TMEM207: variants seen among roughly 807,000 people sequenced by gnomAD.
TMEM207 encodes the protein transmembrane protein 207, also known as SRSR846.
In TMEM207, 15 loss-of-function variants were observed where a neutral mutation model predicts 17.4. That is an observed-to-expected ratio of 0.86 (90% CI 0.58 to 1.33). The LOEUF (loss-of-function observed/expected upper bound fraction) is 1.33. Among genes scored for constraint, TMEM207 ranks in the 40% most tolerant of loss-of-function variants. The probability of loss-of-function intolerance (pLI) is 0.00; values close to 1 mark genes in which losing one functional copy is unlikely to be tolerated. For synonymous variants in TMEM207, 70 were observed against 65.6 expected, an observed-to-expected ratio of 1.07 and a Z score of -0.33; for missense variants, 205 against 173.8, an observed-to-expected ratio of 1.18 and a Z score of -1.01.
intron 4 of TMEM207, among the ~76,000 whole-genome samples, chr3:190,436,820 C>T (rs990390260): frequency 6.6e-6 from 1 of 152,078 alleles, no homozygotes; most frequent in Non-Finnish European, 1.5e-5. Flanking sequence ...TCACCACTTC[C>T]TAAATTACTC....
intron 4 of TMEM207, among the ~76,000 whole-genome samples, chr3:190,437,345 C>T (rs1478344729): frequency 6.6e-6 from 1 of 152,100 alleles, no homozygotes; most frequent in East Asian, 1.9e-4. Flanking sequence ...ACTTTAAACT[C>T]GATTAGTTGA....
chr3:190,445,548 C>T lies in TMEM207; in HGVS notation c.113+2242G>A, dbSNP rs187718628. Among the ~76,000 whole-genome samples the T allele has an allele frequency of 5.8e-4, 89 of 152,288 alleles. 1 individual carries two copies. Among genetic ancestry groups the T allele is most frequent in the African/African-American group, 1.9e-3 (80 of 41,556 alleles). ...AGACCAGTGTTGTTGTTATTTGAGACGGAGTCTCGCTCTGTTACCCAGGCT... is the reference window on the plus strand; with the variant it reads ...AGACCAGTGTTGTTGTTATTTGAGATGGAGTCTCGCTCTGTTACCCAGGCT... On this transcript the variant is annotated intron_variant, in intron 2 of 4. Coordinates refer to ENST00000354905, the MANE Select transcript of TMEM207 (RefSeq NM_207316.3).
At position 190,429,649 on chromosome 3, in the gene TMEM207, A is replaced by G. The variant is rs1478138530; in HGVS notation, c.387T>C (p.Cys129=). 3 of 1,613,526 alleles carry G rather than the reference A, an allele frequency of 1.9e-6. No individual in the cohort carries two copies. The highest frequency in any genetic ancestry group is 1.7e-6 in the Non-Finnish European group (2 of 1,179,696). The change falls in exon 5 of 5, where the codon TGT becomes TGC. Residue 129 remains cysteine (C), a synonymous_variant. Transcript: ENST00000354905. ...GAGGTGGGGAGCCTAAAGGGCCAAA[A>G]CATGGAGCAGGAACAGGATATAGGT... ...TPDLYPVPAP[C]FGPLGSPPPY... is the part of the protein sequence containing the mutation.
chr3:190,430,253 T>C (rs991154443), intron 4 of TMEM207, among the ~76,000 whole-genome samples: 1 of 152,056 alleles, frequency 6.6e-6, no homozygotes, highest in Admixed American at 6.6e-5. Flanking sequence ...ATAAAGAGAA[T>C]ATATTCTAAA....
In TMEM207 at chr3:190,429,348, T is replaced by C. The variant is rs921913263; in HGVS notation, c.*247A>G. The C allele has an allele frequency of 2.3e-5, 10 of 443,492 alleles. No individual in the cohort carries two copies. Among genetic ancestry groups the C allele is most frequent in the Non-Finnish European group, 3.6e-5 (9 of 247,108 alleles). 27.5% of individuals were successfully genotyped at this position (443,492 alleles called of 1,614,324 possible). ...CTGTTTGGATACTAGTGGAGAAGCATTAATTTGGTTGTGTAGCATAAAAGT... is the reference window on the plus strand; with the variant it reads ...CTGTTTGGATACTAGTGGAGAAGCACTAATTTGGTTGTGTAGCATAAAAGT... On this transcript the variant is annotated 3_prime_UTR_variant, in exon 5 of 5. Transcript: ENST00000354905.
intron 4 of TMEM207, among the ~76,000 whole-genome samples, chr3:190,435,303 T>A (rs1200386466): frequency 6.6e-6 from 1 of 152,326 alleles, no homozygotes; most frequent in African/African-American, 2.4e-5. Flanking sequence ...TGTCTCTACA[T>A]CATGGTCTTT....
Position 190,440,250 on chromosome 3 carries a change from T to TA in TMEM207, c.297dup (p.Ile100TyrfsTer22). 1 of 1,613,378 alleles carries TA rather than the reference T, an allele frequency of 6.2e-7. No homozygotes were observed. Among genetic ancestry groups the TA allele is most frequent in the East Asian group, 2.2e-5 (1 of 44,878 alleles). On this transcript the variant is annotated frameshift_variant, in exon 4 of 5. Coordinates refer to ENST00000354905, the MANE Select transcript of TMEM207 (RefSeq NM_207316.3). LOFTEE classifies it low-confidence loss of function (END_TRUNC). Reference sequence around the variant, plus strand: ...AAGCGTGCAGACAACTCACCATAAATAGAGTCCAAGTCTCCAACAGCAAAA... The same window carrying TA: ...AAGCGTGCAGACAACTCACCATAAATAAGAGTCCAAGTCTCCAACAGCAAAA...
chr3:190,449,757 A>T lies in TMEM207; in HGVS notation c.53T>A (p.Ile18Asn), dbSNP rs1720120905. The T allele has an allele frequency of 6.2e-7, 1 of 1,613,844 alleles. No individual in the cohort carries two copies. The highest frequency in any genetic ancestry group is 8.5e-7 in the Non-Finnish European group (1 of 1,179,818). The change falls in exon 1 of 5, where the codon ATC (isoleucine) becomes AAC (asparagine). Residue 18 changes from isoleucine (I) to asparagine (N), a missense_variant. Transcript: ENST00000354905. ...TACCTGGAATAGCGGCAAACACAAG[A>T]TCCCTATCGTTGAGATCGCTGAGGT... Reference protein sequence around the residue: ...SVTSAISTIGILCLPLFQLVL... With the variant: ...SVTSAISTIGNLCLPLFQLVL...
chr3:190,440,435 G>A, intron 3 of TMEM207, 46 bp from the exon 4 acceptor site: 6 of 1,555,860 alleles, frequency 3.9e-6, no homozygotes, highest in Non-Finnish European at 5.2e-6. Context: ...GAGTATGCAG[G>A]GAAGTTAAGA....
In TMEM207 at chr3:190,429,587, A is replaced by G. The variant is rs1362308490; in HGVS notation, c.*8T>C. The G allele has an allele frequency of 4.3e-6, 7 of 1,613,014 alleles. No homozygotes were observed. Among genetic ancestry groups the G allele is most frequent in the Non-Finnish European group, 5.9e-6 (7 of 1,179,458 alleles). Reference sequence around the variant, plus strand: ...TTAATACTTTAAATTGATAATCCACACCTAAAATCAGGTTGTTTTTACAAT... The same window carrying G: ...TTAATACTTTAAATTGATAATCCACGCCTAAAATCAGGTTGTTTTTACAAT... On this transcript the variant is annotated 3_prime_UTR_variant, in exon 5 of 5. Transcript: ENST00000354905.
At chr3:190,435,714 A>T (rs181455536) in intron 4 of TMEM207, among the ~76,000 whole-genome samples, 1 of 152,336 alleles carries the variant, frequency 6.6e-6, no homozygotes, top group Admixed American at 6.5e-5. Context: ...AAGACCAGTT[A>T]TCTAAAGACT....
intron 4 of TMEM207, among the ~76,000 whole-genome samples, chr3:190,437,484 C>T (rs115127911): frequency 3.9e-5 from 6 of 152,258 alleles, no homozygotes; most frequent in African/African-American, 9.6e-5. Flanking sequence ...TCTGAAAATC[C>T]GCAAATTACT....
At position 190,447,816 on chromosome 3, in the gene TMEM207, C is replaced by T. The variant is rs113150575; in HGVS notation, c.87G>A (p.Ser29=). ...TTTCATCTTCTTCGCATGGTAGGTCCGAGAGCACCAACTGAAACACATGTT... is the reference window on the plus strand; with the variant it reads ...TTTCATCTTCTTCGCATGGTAGGTCTGAGAGCACCAACTGAAACACATGTT... The part of the protein sequence containing the change: ...LCLPLFQLVL[S]DLPCEEDEMC... The change falls in exon 2 of 5, where the codon TCG becomes TCA. Residue 29 remains serine (S), a synonymous_variant. Transcript: ENST00000354905. 310 of 1,612,226 alleles carry T rather than the reference C, an allele frequency of 1.9e-4. No homozygotes were observed. The African/African-American group carries it at 3.6e-3, about 19-fold the overall frequency.
In TMEM207 at chr3:190,449,877, T is replaced by A. The variant is rs1720125852; in HGVS notation, c.-68A>T. On this transcript the variant is annotated 5_prime_UTR_variant, in exon 1 of 5. Coordinates refer to ENST00000354905, the MANE Select transcript of TMEM207 (RefSeq NM_207316.3). ...GTTTATTTCCTTCTTTCTCAGAACT[T>A]ACTAGCTTCTCTATAAGTTATGCTT... The A allele has an allele frequency of 4.3e-6, 6 of 1,408,328 alleles. No homozygotes were observed. The Admixed American group carries it at 6.8e-5, about 16-fold the overall frequency. 87.2% of individuals were successfully genotyped at this position (1,408,328 alleles called of 1,614,324 possible).
At chr3:190,434,668 A>G (rs114194945) in intron 4 of TMEM207, among the ~76,000 whole-genome samples, 4,883 of 152,332 alleles carry the variant, frequency 0.032, 175 homozygotes, top group South Asian at 0.12. Context: ...ATACCCACAT[A>G]ATACTAGAAT....
chr3:190,447,959 G>A (rs1720086273), intron 1 of TMEM207, 132 bp from the exon 2 acceptor site: 1 of 699,236 alleles, frequency 1.4e-6, no homozygotes, highest in African/African-American at 1.8e-5. Context: ...CTATAGCAGA[G>A]TTTATTGTTG....
At chr3:190,440,821 C>A (rs2108536253) in intron 3 of TMEM207, among the ~76,000 whole-genome samples, 1 of 152,334 alleles carries the variant, frequency 6.6e-6, no homozygotes, top group South Asian at 2.1e-4. Context: ...GTAATCCCAG[C>A]ACTTTGGGAG....
chr3:190,429,816 G>T, intron 4 of TMEM207, 85 bp from the exon 5 acceptor site: 1 of 1,394,600 alleles, frequency 7.2e-7, no homozygotes, highest in African/African-American at 1.5e-5. Context: ...ATCTGGCATT[G>T]CTTGGATCGC....
chr3:190,441,900 A>G (rs1451349898), intron 2 of TMEM207, among the ~76,000 whole-genome samples: 2 of 152,226 alleles, frequency 1.3e-5, no homozygotes, highest in Non-Finnish European at 2.9e-5. Flanking sequence ...TCTCCAGGGA[A>G]GAATATCTTG....
Sources: gnomAD v4.1 joint callset for allele counts (sites outside exome capture counted in the v4.1 genomes callset) on GRCh38, gnomAD v4.1.1 for gene constraint, MANE v1.5 for transcripts, NCBI Gene and HGNC (gene_info 2026-07-23, HGNC 2026-07-21) for gene names.